Variants in DGKB observed in about 807,000 individuals in gnomAD.
DGKB encodes the protein diacylglycerol kinase beta, also known as 90 kDa diacylglycerol kinase.
Under a neutral mutation model 114.3 loss-of-function variants are expected in DGKB, and 67 were observed. The ratio of observed to expected loss-of-function variants is 0.59; its 90% CI spans 0.48 to 0.72. DGKB has a LOEUF of 0.72. Ranked by LOEUF, DGKB falls within the 30% of genes least tolerant of loss-of-function variation. The pLI, the probability that DGKB is intolerant of heterozygous loss-of-function variation, is 0.00. For missense variants in DGKB, 907 were observed against 975.2 expected (o/e 0.93, Z 0.93); for synonymous variants, 398 against 323.1 (o/e 1.23, Z -2.49).
At chr7:14,607,157 C>T (rs62445595) in intron 17 of DGKB, among the ~76,000 whole-genome samples, 5 of 148,232 alleles carry the variant, frequency 3.4e-5, no homozygotes, top group African/African-American at 9.9e-5. Context: ...GCTAGTTTGT[C>T]GTGTGTGTGT....
At chr7:14,383,679 C>G (rs928920590) in intron 21 of DGKB, among the ~76,000 whole-genome samples, 3 of 152,182 alleles carry the variant, frequency 2.0e-5, no homozygotes, top group Admixed American at 6.5e-5. Context: ...TCCTTCCTAA[C>G]TGAGTCAACT....
intron 23 of DGKB, among the ~76,000 whole-genome samples, chr7:14,293,857 T>C (rs1450585927): frequency 6.6e-6 from 1 of 152,184 alleles, no homozygotes; most frequent in Non-Finnish European, 1.5e-5. Flanking sequence ...ACAACCTTCC[T>C]CTCTGACTTT....
chr7:14,680,115 G>C (rs1057223117), intron 12 of DGKB, among the ~76,000 whole-genome samples: 4 of 151,916 alleles, frequency 2.6e-5, no homozygotes, highest in African/African-American at 9.7e-5. Context: ...ACTTTAGAGA[G>C]TTTAGTAAGA....
intron 1 of DGKB, among the ~76,000 whole-genome samples, chr7:14,931,809 C>T (rs1587405802): frequency 6.7e-6 from 1 of 148,576 alleles, no homozygotes; most frequent in African/African-American, 2.5e-5. Flanking sequence ...GCCTCAGGAG[C>T]AACTCTTCAA....
intron 12 of DGKB, among the ~76,000 whole-genome samples, chr7:14,675,828 C>T (rs1166745024): frequency 6.6e-6 from 1 of 152,050 alleles, no homozygotes; most frequent in Non-Finnish European, 1.5e-5. Context: ...AGACTAGAAT[C>T]TGGCAGCTAA....
At chr7:14,630,334 T>A in intron 13 of DGKB, 66 bp from the exon 14 acceptor site, 1 of 1,266,104 alleles carries the variant, frequency 7.9e-7, no homozygotes, top group South Asian at 1.4e-5. Flanking sequence ...ATCAGTGAAG[T>A]TTCTCATATC....
At chr7:14,280,030 GAGA>G (rs963338638) in intron 23 of DGKB, among the ~76,000 whole-genome samples, 32 of 147,232 alleles carry the variant, frequency 2.2e-4, no homozygotes, top group Non-Finnish European at 4.8e-4. Flanking sequence ...GACAAGCTGA[GAGA>G]AGAAGGCTTC....
intron 21 of DGKB, among the ~76,000 whole-genome samples, chr7:14,413,699 G>T (rs1302459303): frequency 6.6e-6 from 1 of 152,114 alleles, no homozygotes; most frequent in African/African-American, 2.4e-5. Context: ...CATTTAAGAT[G>T]CAGATAACAG....
chr7:14,588,270 CT>C lies in DGKB; in HGVS notation c.1434-5134del, dbSNP rs927774235. On this transcript the variant is annotated intron_variant, in intron 17 of 25. Transcript: ENST00000402815. ...TTTGATTTTAGTCCTTTTTGAATAACTTTTTTTTCAAATATCTTCTACAAAT... is the reference window on the plus strand; with the variant it reads ...TTTGATTTTAGTCCTTTTTGAATAACTTTTTTTCAAATATCTTCTACAAAT... Among the ~76,000 whole-genome samples the C allele has an allele frequency of 2.6e-3, 402 of 151,814 alleles. 3 individuals carry two copies. Among genetic ancestry groups the C allele is most frequent in the Non-Finnish European group, 4.9e-3 (334 of 67,890 alleles).
At chr7:14,801,983 GTA>G (rs1417761962) in intron 2 of DGKB, among the ~76,000 whole-genome samples, 3 of 149,192 alleles carry the variant, frequency 2.0e-5, no homozygotes, top group Non-Finnish European at 3.0e-5. Context: ...ACACACATAC[GTA>G]TATATGTTTC....
At chr7:14,196,970 A>G (rs1324085280) in intron 23 of DGKB, among the ~76,000 whole-genome samples, 1 of 152,134 alleles carries the variant, frequency 6.6e-6, no homozygotes, top group Admixed American at 6.6e-5. Flanking sequence ...ATTCATGACT[A>G]ATCGTAGTGT....
intron 5 of DGKB, among the ~76,000 whole-genome samples, chr7:14,720,473 TTGTGTGTGTG>T (rs61654464): frequency 0.02 from 2,750 of 136,536 alleles, 64 homozygotes; most frequent in African/African-American, 0.057. Context: ...CCCGGCTGAT[TTGTGTGTGTG>T]TGTGTGTGTG....
intron 1 of DGKB, among the ~76,000 whole-genome samples, chr7:14,956,555 T>C (rs1254450042): frequency 2.0e-5 from 3 of 152,062 alleles, no homozygotes; most frequent in Non-Finnish European, 4.4e-5. Context: ...ATTAATTTCC[T>C]TTAACCAAGA....
intron 5 of DGKB, among the ~76,000 whole-genome samples, chr7:14,726,296 C>T (rs1375109213): frequency 1.3e-5 from 2 of 152,034 alleles, no homozygotes; most frequent in Admixed American, 6.6e-5. Context: ...CCTGCCACCA[C>T]ACCCAGCTAA....
chr7:14,756,542 T>G (rs73682532), intron 3 of DGKB, among the ~76,000 whole-genome samples: 9,516 of 151,932 alleles, frequency 0.063, 448 homozygotes, highest in Admixed American at 0.12. Flanking sequence ...GCTAAAGAGT[T>G]TTAAAAGTTA....
chr7:14,936,695 T>C (rs1785288975), intron 1 of DGKB, among the ~76,000 whole-genome samples: 1 of 152,106 alleles, frequency 6.6e-6, no homozygotes, highest in African/African-American at 2.4e-5. Context: ...CCGCCTTCTT[T>C]TGGCAGCAGA....
intron 21 of DGKB, among the ~76,000 whole-genome samples, chr7:14,433,724 G>C (rs190318569): frequency 6.6e-6 from 1 of 152,230 alleles, no homozygotes; most frequent in Non-Finnish European, 1.5e-5. Context: ...ATCTAATTAA[G>C]GGTAGAGTAT....
At chr7:14,911,132 A>G (rs1783981986) in intron 1 of DGKB, among the ~76,000 whole-genome samples, 1 of 152,068 alleles carries the variant, frequency 6.6e-6, no homozygotes, top group African/African-American at 2.4e-5. Context: ...ATGTTATTAT[A>G]GTTATCAATT....
At chr7:14,536,862 C>A (rs1292163301) in intron 20 of DGKB, among the ~76,000 whole-genome samples, 2 of 151,340 alleles carry the variant, frequency 1.3e-5, no homozygotes, top group Non-Finnish European at 2.9e-5. Flanking sequence ...AACAAGGCAT[C>A]CAAATTAGAT....
Sources: gnomAD v4.1 joint callset for allele counts (sites outside exome capture counted in the v4.1 genomes callset) on GRCh38, gnomAD v4.1.1 for gene constraint, MANE v1.5 for transcripts, NCBI Gene and HGNC (gene_info 2026-07-23, HGNC 2026-07-21) for gene names.